The following C14orf39 variants were observed in gnomAD, a reference collection of about 807,000 sequenced individuals.
C14orf39 encodes protein SIX6OS1.
A neutral mutation model predicts 85.6 loss-of-function variants in C14orf39; 66 were observed. That is an observed-to-expected ratio of 0.77 (90% confidence interval 0.63 to 0.95). C14orf39 has a LOEUF of 0.95. C14orf39 is among the 40% of genes least tolerant of loss of function. C14orf39 has a pLI of 0.00. For synonymous variants in C14orf39, 242 were observed against 214.0 expected, an observed-to-expected ratio of 1.13 and a Z score of -1.14; for missense variants, 735 against 663.9, an observed-to-expected ratio of 1.11 and a Z score of -1.18.
chr14:60,490,592 C>A (rs1892975313), upstream of C14orf39, among the ~76,000 whole-genome samples: 1 of 151,986 alleles, frequency 6.6e-6, no homozygotes, highest in East Asian at 1.9e-4. Context: ...CCACTGCACT[C>A]CAGCTTAGGC....
upstream of C14orf39, among the ~76,000 whole-genome samples, chr14:60,488,869 A>AT (rs956098812): frequency 6.6e-6 from 1 of 151,610 alleles, no homozygotes; most frequent in Non-Finnish European, 1.5e-5. Flanking sequence ...ACTTGGTTCC[A>AT]TTTAAACTCT....
At chr14:60,442,051 G>A in intron 17 of C14orf39, 23 bp downstream of exon 17, 3 of 1,574,960 alleles carry the variant, frequency 1.9e-6, no homozygotes. Context: ...GTTTTTAAAG[G>A]TAGCAAACTT....
intron 1 of C14orf39, among the ~76,000 whole-genome samples, chr14:60,507,735 G>A (rs2140186237): frequency 6.6e-6 from 1 of 152,200 alleles, no homozygotes; most frequent in South Asian, 2.1e-4. Context: ...TACCAGATCT[G>A]TACAAGCCGC....
chr14:60,455,925 T>C (rs2140070400), intron 15 of C14orf39, among the ~76,000 whole-genome samples: 1 of 152,214 alleles, frequency 6.6e-6, no homozygotes, highest in East Asian at 1.9e-4. Flanking sequence ...CATAAATGAG[T>C]CACTTAACTT....
chr14:60,504,795 T>C (rs1471465457), intron 1 of C14orf39, among the ~76,000 whole-genome samples: 3 of 152,230 alleles, frequency 2.0e-5, no homozygotes, highest in African/African-American at 7.2e-5. Context: ...TAATTTGTCA[T>C]CTACTCTTTG....
At chr14:60,510,047 A>T in intron 1 of C14orf39, 1 of 1,300,010 alleles carries the variant, frequency 7.7e-7, no homozygotes, top group Non-Finnish European at 1.1e-6. Context: ...GCCCTTACCC[A>T]GTCCCTGGCG....
At chr14:60,510,946 G>GA (rs1893281928) in intron 1 of C14orf39, 1 of 877,678 alleles carries the variant, frequency 1.1e-6, no homozygotes, top group Non-Finnish European at 1.8e-6. Context: ...TCGCCTTGCC[G>GA]AGTAATCCTC....
chr14:60,457,196 G>T, intron 14 of C14orf39, 101 bp from the exon 15 acceptor site: 2 of 653,060 alleles, frequency 3.1e-6, no homozygotes, highest in Non-Finnish European at 2.4e-6. Context: ...AATCCATGAT[G>T]TTAACATTGC....
At chr14:60,466,811 G>A (rs1231380494) in intron 10 of C14orf39, 106 bp downstream of exon 10, 3 of 824,498 alleles carry the variant, frequency 3.6e-6, no homozygotes, top group Non-Finnish European at 5.0e-6. Context: ...TAGGTCTCCA[G>A]TATTGTTTTT....
chr14:60,452,166 C>CAA lies in C14orf39; in HGVS notation c.1503+2833_1503+2834dup, dbSNP rs561612954. Among the ~76,000 whole-genome samples the CAA allele has an allele frequency of 1.3e-3, 77 of 58,880 alleles. 1 individual carries two copies. Among genetic ancestry groups the CAA allele is most frequent in the African/African-American group, 4.2e-3 (68 of 16,180 alleles). The allele number at this position is 58,880 out of a possible 152,430, so 38.6% of individuals were successfully genotyped here. On this transcript the variant is annotated intron_variant, in intron 16 of 17. Coordinates refer to ENST00000321731, the MANE Select transcript of C14orf39 (RefSeq NM_174978.3). ...TGTGCCAACTGCAAAGACTCCATCTCAAAAAAAAAAAAAAAAAGATAGAAT... is the reference window on the plus strand; with the variant it reads ...TGTGCCAACTGCAAAGACTCCATCTCAAAAAAAAAAAAAAAAAAAGATAGAAT...
rs541794690 is a variant in C14orf39 at position 60,510,136 on chromosome 14, C to T, written c.-144+5259G>A. Among the ~76,000 whole-genome samples, 5 of 152,318 alleles carry T rather than the reference C, an allele frequency of 3.3e-5. No homozygotes were observed. The South Asian group carries it at 1.0e-3, about 32-fold the overall frequency. On this transcript the variant is annotated intron_variant, in intron 1 of 5. Coordinates refer to the C14orf39 transcript ENST00000556799. ...CGTTCTGGGCTCCTGGCCGGGAGTTCCCTTGCCGGCTCTGCTTCCCCACCC... is the reference window on the plus strand; with the variant it reads ...CGTTCTGGGCTCCTGGCCGGGAGTTTCCTTGCCGGCTCTGCTTCCCCACCC...
chr14:60,512,023 CTATACAAACATA>C (rs1893302709), intron 1 of C14orf39: 7 of 3,940 alleles, frequency 1.8e-3, no homozygotes, highest in Non-Finnish European at 7.7e-3. Flanking sequence ...ATGTATGTAC[CTATACAAACATA>C]TGTATGTACC....
Position 60,471,702 on chromosome 14 carries a change from C to T in C14orf39, c.361G>A (p.Val121Ile). The part of the protein sequence containing the change: ...YHDYICQYKE[V>I]LKQYQLKYSE... ...TATTTTAGTTGGTACTGCTTCAAAA[C>T]TTCTTTATACTGACATATATAATCA... The change falls in exon 6 of 18, where the codon GTT becomes ATT. Residue 121 changes from valine to isoleucine, a missense_variant. Physicochemically the swap from Val to Ile is conservative, Grantham distance 29. Coordinates refer to ENST00000321731, the MANE Select transcript of C14orf39 (RefSeq NM_174978.3). 6.4e-7 allele frequency: 1 copy of T among 1,569,794 alleles called. No homozygotes were observed. The highest frequency in any genetic ancestry group is 1.2e-5 in the South Asian group (1 of 86,498).
chr14:60,507,184 C>A (rs1459009731), intron 1 of C14orf39, among the ~76,000 whole-genome samples: 1 of 152,240 alleles, frequency 6.6e-6, no homozygotes, highest in Admixed American at 6.5e-5. Flanking sequence ...AAGTAACCAC[C>A]CCGAGAGGGA....
intron 5 of C14orf39, among the ~76,000 whole-genome samples, 196 bp downstream of exon 5, chr14:60,478,104 G>C (rs543954955): frequency 8.7e-5 from 12 of 137,908 alleles, no homozygotes; most frequent in Non-Finnish European, 1.8e-4. Flanking sequence ...GCGTGAACCC[G>C]GGAGGCAGAG....
intron 14 of C14orf39, among the ~76,000 whole-genome samples, chr14:60,458,078 ACTTGGGATATCCATCAC>A (rs1891357947): frequency 6.6e-6 from 1 of 152,016 alleles, no homozygotes; most frequent in Non-Finnish European, 1.5e-5. Context: ...AAATCAGTGT[ACTTGGGATATCCATCAC>A]CTTAAATATT....
Position 60,457,110 on chromosome 14 carries a change from T to A in C14orf39, c.1180-15A>T, listed in dbSNP as rs1891315906. On this transcript the variant is annotated splice_polypyrimidine_tract_variant and intron_variant, in intron 14 of 17. Transcript: ENST00000321731. Reference sequence around the variant, plus strand: ...GTATATATAGCCTGCAAATTCAAAGTAACAGAAAACTATAAAACAAATGCT... The same window carrying A: ...GTATATATAGCCTGCAAATTCAAAGAAACAGAAAACTATAAAACAAATGCT... 1 of 1,508,950 alleles carries A rather than the reference T, an allele frequency of 6.6e-7. No homozygotes were observed. Among genetic ancestry groups the A allele is most frequent in the African/African-American group, 1.4e-5 (1 of 70,052 alleles). 93.5% of individuals were successfully genotyped at this position (1,508,950 alleles called of 1,614,324 possible). A position where few individuals can be genotyped will look rare whatever the true frequency, so the allele number is the denominator to read the frequency against.
At chr14:60,460,295 C>CT (rs1467670513) in intron 13 of C14orf39, among the ~76,000 whole-genome samples, 1 of 151,780 alleles carries the variant, frequency 6.6e-6, no homozygotes, top group East Asian at 1.9e-4. Flanking sequence ...GTCTAACACT[C>CT]TGTCAGTTTG....
intron 1 of C14orf39, among the ~76,000 whole-genome samples, chr14:60,514,501 G>A (rs768409686): frequency 3.5e-4 from 53 of 151,912 alleles, no homozygotes; most frequent in Admixed American, 7.9e-4. Context: ...CAAAAAAAAC[G>A]ACGGCCCCTG....
Sources: allele counts gnomAD v4.1 joint callset (sites outside exome capture counted in the v4.1 genomes callset), GRCh38; gene constraint gnomAD v4.1.1; transcripts MANE v1.5; gene names NCBI Gene and HGNC (gene_info 2026-07-23, HGNC 2026-07-21).